The following TMEM131L variants were observed in gnomAD, a reference collection of about 807,000 sequenced individuals.
TMEM131L encodes transmembrane protein 131-like.
Under a neutral mutation model 192.2 loss-of-function variants are expected in TMEM131L, and 54 were observed. The observed-to-expected ratio is 0.28, with a 90% CI of 0.23 to 0.35. The LOEUF (loss-of-function observed/expected upper bound fraction) is 0.35. Ranked by LOEUF, TMEM131L falls within the 10% of genes least tolerant of loss-of-function variation. TMEM131L has a pLI of 1.00. For missense variants in TMEM131L, 1,888 were observed against 1,972.9 expected, an observed-to-expected ratio of 0.96 and a Z score of 0.82; for synonymous variants, 701 against 704.9, an observed-to-expected ratio of 0.99 and a Z score of 0.09.
chr4:153,599,495 A>G (rs1322265087), intron 21 of TMEM131L, among the ~76,000 whole-genome samples: 2 of 152,250 alleles, frequency 1.3e-5, no homozygotes, highest in African/African-American at 2.4e-5. Context: ...CCTGAGCAAC[A>G]CAGCAAGACC....
intron 3 of TMEM131L, among the ~76,000 whole-genome samples, chr4:153,495,384 C>A (rs1733104324): frequency 6.6e-6 from 1 of 152,024 alleles, no homozygotes; most frequent in Non-Finnish European, 1.5e-5. Context: ...GGAACACAGC[C>A]TCAGGAGGTC....
chr4:153,580,046 A>G (rs1403112363), intron 7 of TMEM131L, among the ~76,000 whole-genome samples: 1 of 152,170 alleles, frequency 6.6e-6, no homozygotes, highest in Non-Finnish European at 1.5e-5. Context: ...TATGCCAGAG[A>G]CATTAAACTT....
At chr4:153,585,907 A>T (rs769520242) in intron 13 of TMEM131L, among the ~76,000 whole-genome samples, 1 of 152,160 alleles carries the variant, frequency 6.6e-6, no homozygotes, top group Non-Finnish European at 1.5e-5. Flanking sequence ...AATATTATGT[A>T]TATGTATTGT....
intron 3 of TMEM131L, among the ~76,000 whole-genome samples, chr4:153,534,079 A>G (rs188936254): frequency 3.9e-5 from 6 of 152,340 alleles, no homozygotes; most frequent in African/African-American, 1.4e-4. Context: ...GTAATTAAAA[A>G]GAAATATTAT....
chr4:153,525,840 C>T (rs1485205424), intron 3 of TMEM131L, among the ~76,000 whole-genome samples: 3 of 151,878 alleles, frequency 2.0e-5, no homozygotes, highest in Non-Finnish European at 4.4e-5. Flanking sequence ...GCCTGCGATT[C>T]CACATTCCTT....
In TMEM131L at chr4:153,504,092, G is replaced by C. The variant is rs1233152092; in HGVS notation, c.239+30204G>C. On this transcript the variant is annotated intron_variant, in intron 3 of 34. Transcript: ENST00000409959. ...CGCCATTCTCCTGCCTCAGCCTCCC[G>C]AGTAGCTGGGACTACAGGCGCCCGC... is the stretch of plus-strand genomic sequence containing the variant. 4.0e-5 allele frequency among the ~76,000 whole-genome samples: 6 copies of C among 151,182 alleles called. No homozygotes were observed. In the East Asian group the frequency reaches 1.2e-3, roughly 30 times the overall value.
rs1731442652 is a variant in TMEM131L, at chr4:153,596,378, C to T, written c.2116C>T (p.Leu706=). Residue 706 remains leucine, a synonymous_variant, in exon 20 of 35, where the codon CTA becomes TTA. Transcript: ENST00000409959. ...ADYGKVTSLI[L]IRNNLTVIDM... ...CTATGGAAAAGTTACCTCACTCATACTAATCCGGTAGGTGTGTTCCTGTTG... is the reference window on the plus strand; with the variant it reads ...CTATGGAAAAGTTACCTCACTCATATTAATCCGGTAGGTGTGTTCCTGTTG... The T allele has an allele frequency of 1.2e-6, 2 of 1,613,624 alleles. No individual in the cohort carries two copies. Among genetic ancestry groups the T allele is most frequent in the Non-Finnish European group, 1.7e-6 (2 of 1,179,600 alleles).
At chr4:153,585,229 G>T (rs1415863144) in intron 12 of TMEM131L, among the ~76,000 whole-genome samples, 4 of 152,192 alleles carry the variant, frequency 2.6e-5, no homozygotes, top group African/African-American at 9.6e-5. Context: ...TGGTCCTGGC[G>T]GCCTCTGTGA....
intron 3 of TMEM131L, among the ~76,000 whole-genome samples, chr4:153,542,259 C>T (rs1419741051): frequency 1.3e-5 from 2 of 152,116 alleles, no homozygotes; most frequent in Non-Finnish European, 2.9e-5. Context: ...GAAGGAGCAG[C>T]CACAGAGGTA....
At chr4:153,513,118 AG>A (rs1734475429) in intron 3 of TMEM131L, among the ~76,000 whole-genome samples, 1 of 152,140 alleles carries the variant, frequency 6.6e-6, no homozygotes, top group Admixed American at 6.6e-5. Flanking sequence ...CTCTGGAGGT[AG>A]GGGGTCAGGG....
At chr4:153,511,097 GA>G in intron 3 of TMEM131L, among the ~76,000 whole-genome samples, 1 of 152,160 alleles carries the variant, frequency 6.6e-6, no homozygotes, top group South Asian at 2.1e-4. Context: ...ACTAAAACCA[GA>G]ACTACCATTC....
At chr4:153,492,397 T>TA (rs1470860785) in intron 3 of TMEM131L, among the ~76,000 whole-genome samples, 1 of 152,194 alleles carries the variant, frequency 6.6e-6, no homozygotes, top group African/African-American at 2.4e-5. Context: ...TCCAAATTAT[T>TA]ACATTTTCCA....
In TMEM131L at chr4:153,634,482, A is replaced by G. The variant is rs1734435705; in HGVS notation, c.4417+202A>G. ...TTATATGACCCTCAAAAAGCCCTCA[A>G]TTTTGGGTGTCTGGGGGCTTCAAAA... On this transcript the variant is annotated intron_variant, in intron 33 of 34. Coordinates refer to ENST00000409959, the MANE Select transcript of TMEM131L (RefSeq NM_001131007.2). 3.9e-5 allele frequency among the ~76,000 whole-genome samples: 6 copies of G among 152,156 alleles called. No individual in the cohort carries two copies. The South Asian group carries it at 1.2e-3, about 31-fold the overall frequency.
chr4:153,574,849 A>G (rs1353303393), intron 7 of TMEM131L, among the ~76,000 whole-genome samples: 2 of 152,212 alleles, frequency 1.3e-5, no homozygotes, highest in East Asian at 3.8e-4. Context: ...TGGCCTCCCA[A>G]AGTGCCGAGA....
chr4:153,517,252 A>G (rs1020753780), intron 3 of TMEM131L, among the ~76,000 whole-genome samples: 2 of 152,148 alleles, frequency 1.3e-5, no homozygotes, highest in African/African-American at 4.8e-5. Context: ...CTTATTTGCT[A>G]TGCCTGGAGA....
In TMEM131L at chr4:153,568,336, C is replaced by T. The variant is rs545320796; in HGVS notation, c.660+9968C>T. ...GTGGAGTGTCTTCACGCTCCGTCTT[C>T]CTCCTTGTTTGTGCTTTAAAATCTC... On this transcript the variant is annotated intron_variant, in intron 7 of 34. Coordinates refer to ENST00000409959, the MANE Select transcript of TMEM131L (RefSeq NM_001131007.2). 2.6e-5 allele frequency among the ~76,000 whole-genome samples: 4 copies of T among 152,290 alleles called. No individual in the cohort carries two copies. In the South Asian group the frequency reaches 8.3e-4, roughly 32 times the overall value.
chr4:153,526,246 G>A (rs909863840), intron 3 of TMEM131L, among the ~76,000 whole-genome samples: 1 of 152,184 alleles, frequency 6.6e-6, no homozygotes, highest in African/African-American at 2.4e-5. Context: ...TAAAGTTTGT[G>A]TAGGCCACAC....
In TMEM131L at chr4:153,635,485, T is replaced by G; in HGVS notation, c.4471T>G (p.Phe1491Val). The G allele has an allele frequency of 6.2e-7, 1 of 1,614,058 alleles. No individual in the cohort carries two copies. ...FPCPADVQTD[F>V]IDHNSQSTWN... ...CTGTCCTGCAGATGTTCAGACAGACTTTATTGATCACAACTCTCAGTCTAC... is the reference window on the plus strand; with the variant it reads ...CTGTCCTGCAGATGTTCAGACAGACGTTATTGATCACAACTCTCAGTCTAC... The change falls in exon 34 of 35, where the codon TTT becomes GTT. Residue 1491 changes from phenylalanine (F) to valine (V), a missense_variant. Phe to Val is a conservative substitution (Grantham distance 50, BLOSUM62 -1). Transcript: ENST00000409959.
intron 3 of TMEM131L, among the ~76,000 whole-genome samples, chr4:153,539,856 A>G (rs1322289663): frequency 6.6e-6 from 1 of 152,032 alleles, no homozygotes; most frequent in Non-Finnish European, 1.5e-5. Flanking sequence ...TACGCCTGTA[A>G]TTCCAGCACT....
Sources: gnomAD v4.1 joint callset for allele counts (sites outside exome capture counted in the v4.1 genomes callset) on GRCh38, gnomAD v4.1.1 for gene constraint, MANE v1.5 for transcripts, NCBI Gene and HGNC (gene_info 2026-07-23, HGNC 2026-07-21) for gene names.